Variants in PKHD1 observed in about 807,000 individuals in gnomAD.
PKHD1 encodes the protein fibrocystin.
Under a neutral mutation model 412.0 loss-of-function variants are expected in PKHD1, and 291 were observed. The observed-to-expected ratio is 0.71, with a 90% CI of 0.64 to 0.78. The LOEUF is 0.78. Among genes scored for constraint, PKHD1 ranks in the 30% least tolerant of loss-of-function variants. The pLI is 0.00. For missense variants in PKHD1, 4,825 were observed against 4,950.7 expected (o/e 0.97, Z 0.76); for synonymous variants, 1,777 against 1,821.5 (o/e 0.98, Z 0.62).
At chr6:51,983,473 A>T (rs1795829357) in intron 35 of PKHD1, among the ~76,000 whole-genome samples, 1 of 152,034 alleles carries the variant, frequency 6.6e-6, no homozygotes, top group Non-Finnish European at 1.5e-5. Flanking sequence ...CAGACAAAAC[A>T]CTCCTCCTAA....
chr6:51,858,892 C>T (rs1263569385), intron 48 of PKHD1, among the ~76,000 whole-genome samples: 1 of 152,082 alleles, frequency 6.6e-6, no homozygotes, highest in East Asian at 1.9e-4. Flanking sequence ...CAAAAGAAAT[C>T]AGCAGTTGGG....
At chr6:51,686,518 T>C (rs906964896) in intron 60 of PKHD1, among the ~76,000 whole-genome samples, 3 of 152,196 alleles carry the variant, frequency 2.0e-5, no homozygotes, top group African/African-American at 7.2e-5. Flanking sequence ...CCTACTTTGG[T>C]CAGCCTATGT....
chr6:51,911,492 T>C (rs755506563), intron 39 of PKHD1, among the ~76,000 whole-genome samples: 5 of 152,152 alleles, frequency 3.3e-5, no homozygotes, highest in Non-Finnish European at 7.4e-5. Context: ...AATTTTAACA[T>C]TGAACCCAGA....
chr6:51,765,695 G>A (rs550855538), intron 55 of PKHD1, among the ~76,000 whole-genome samples: 8 of 152,074 alleles, frequency 5.3e-5, no homozygotes, highest in South Asian at 2.1e-4. Flanking sequence ...TCTCAACCAC[G>A]TCATTTATAT....
At chr6:51,858,774 T>C (rs533395238) in intron 48 of PKHD1, among the ~76,000 whole-genome samples, 5 of 152,220 alleles carry the variant, frequency 3.3e-5, no homozygotes, top group Non-Finnish European at 5.9e-5. Context: ...ACAAGTGTTA[T>C]ATGCATCAGA....
chr6:51,691,603 G>A (rs913780571), intron 60 of PKHD1, among the ~76,000 whole-genome samples: 1 of 152,122 alleles, frequency 6.6e-6, no homozygotes, highest in African/African-American at 2.4e-5. Context: ...GAAGCTAAAT[G>A]AGGGGAACAC....
intron 43 of PKHD1, among the ~76,000 whole-genome samples, chr6:51,888,459 A>ATT (rs57577144): frequency 6.6e-6 from 1 of 150,714 alleles, no homozygotes; most frequent in African/African-American, 2.4e-5. Context: ...ACACAGATGT[A>ATT]TTTTTTTTTG....
chr6:51,763,836 C>A (rs955571822), intron 55 of PKHD1, among the ~76,000 whole-genome samples: 1 of 152,022 alleles, frequency 6.6e-6, no homozygotes, highest in Non-Finnish European at 1.5e-5. Flanking sequence ...CTACATTCTG[C>A]CTACAATATT....
chr6:51,952,183 T>C (rs1193976870), intron 36 of PKHD1, among the ~76,000 whole-genome samples: 1 of 152,146 alleles, frequency 6.6e-6, no homozygotes, highest in East Asian at 1.9e-4. Context: ...ATAATGTAAG[T>C]CATTGTCTGA....
intron 52 of PKHD1, among the ~76,000 whole-genome samples, chr6:51,792,489 A>G (rs1381041902): frequency 3.3e-5 from 5 of 152,196 alleles, no homozygotes; most frequent in Non-Finnish European, 7.3e-5. Flanking sequence ...CATTATAAGA[A>G]TGGCCATGCC....
chr6:51,731,020 A>G (rs955705129), intron 60 of PKHD1, among the ~76,000 whole-genome samples: 2 of 152,220 alleles, frequency 1.3e-5, no homozygotes, highest in Admixed American at 6.5e-5. Context: ...TCTCAGGCTC[A>G]GGTGATCCTC....
intron 25 of PKHD1, among the ~76,000 whole-genome samples, chr6:52,043,966 T>C (rs766249946): frequency 6.6e-6 from 1 of 152,216 alleles, no homozygotes; most frequent in Non-Finnish European, 1.5e-5. Flanking sequence ...TTAAATGTGA[T>C]AAATATTGAG....
intron 56 of PKHD1, 46 bp downstream of exon 56, chr6:51,754,738 C>G: frequency 6.4e-7 from 1 of 1,563,152 alleles, no homozygotes; most frequent in East Asian, 2.2e-5. Context: ...CAAACATGGT[C>G]TTCCTAGCTC....
At chr6:51,754,536 T>C (rs972803007) in intron 56 of PKHD1, among the ~76,000 whole-genome samples, 1 of 152,146 alleles carries the variant, frequency 6.6e-6, no homozygotes, top group Non-Finnish European at 1.5e-5. Flanking sequence ...TTTGCCATTA[T>C]AAATAAAAAG....
chr6:51,769,221 T>A (rs140095810), intron 55 of PKHD1, among the ~76,000 whole-genome samples: 37 of 151,648 alleles, frequency 2.4e-4, no homozygotes, highest in Admixed American at 2.4e-3. Flanking sequence ...ATAGATTATA[T>A]AACATAGGAA....
At chr6:51,939,291 C>T (rs1475869593) in intron 36 of PKHD1, among the ~76,000 whole-genome samples, 1 of 151,180 alleles carries the variant, frequency 6.6e-6, no homozygotes, top group Non-Finnish European at 1.5e-5. Context: ...CGCCCAGACC[C>T]CTTCTCTCCG....
At chr6:51,724,406 C>T (rs536697409) in intron 60 of PKHD1, among the ~76,000 whole-genome samples, 1 of 152,304 alleles carries the variant, frequency 6.6e-6, no homozygotes, top group African/African-American at 2.4e-5. Flanking sequence ...AAGCCATAAT[C>T]ATCTGGCCCT....
intron 52 of PKHD1, among the ~76,000 whole-genome samples, chr6:51,820,639 A>T (rs1308376660): frequency 6.6e-6 from 1 of 152,180 alleles, no homozygotes; most frequent in Non-Finnish European, 1.5e-5. Flanking sequence ...AGGCTTTACC[A>T]GACTGCCAAA....
chr6:51,766,506 T>C (rs906706046), intron 55 of PKHD1, among the ~76,000 whole-genome samples: 3 of 152,086 alleles, frequency 2.0e-5, no homozygotes, highest in Non-Finnish European at 4.4e-5. Flanking sequence ...TTAATTAATA[T>C]TCAATTCTAG....
Sources: gnomAD v4.1 joint callset for allele counts (sites outside exome capture counted in the v4.1 genomes callset) on GRCh38, gnomAD v4.1.1 for gene constraint, MANE v1.5 for transcripts, NCBI Gene and HGNC (gene_info 2026-07-23, HGNC 2026-07-21) for gene names.